EPHA6: variants seen among roughly 807,000 people sequenced by gnomAD.
The protein encoded by EPHA6 is ephrin type-A receptor 6.
Under a neutral mutation model 112.0 loss-of-function variants are expected in EPHA6, and 50 were observed. The ratio of observed to expected loss-of-function variants is 0.45; its 90% CI spans 0.36 to 0.56. The LOEUF (loss-of-function observed/expected upper bound fraction) is 0.56. Among genes scored for constraint, EPHA6 ranks in the 20% least tolerant of loss-of-function variants. The pLI is 0.00. For synonymous variants in EPHA6, 529 were observed against 490.7 expected (o/e 1.08, Z -1.03); for missense variants, 1,280 against 1,417.4 (o/e 0.90, Z 1.56).
chr3:96,888,960 G>T (rs1325413284), intron 2 of EPHA6, among the ~76,000 whole-genome samples: 1 of 152,160 alleles, frequency 6.6e-6, no homozygotes, highest in African/African-American at 2.4e-5. Context: ...CATCTTGAAT[G>T]CTTTGCTGCT....
intron 14 of EPHA6, among the ~76,000 whole-genome samples, chr3:97,701,072 G>A (rs909074511): frequency 6.6e-6 from 1 of 152,120 alleles, no homozygotes; most frequent in Non-Finnish European, 1.5e-5. Flanking sequence ...GGTAATAAGT[G>A]GTTGTTCAGG....
Position 96,959,650 on chromosome 3 carries a change from A to G in EPHA6, c.451-27680A>G, listed in dbSNP as rs750690776. On this transcript the variant is annotated intron_variant, in intron 2 of 17. Coordinates refer to ENST00000389672, the MANE Select transcript of EPHA6 (RefSeq NM_001080448.3). ...TTAGCTTTTATATTTAAGTCTATGA[A>G]CCATTTTTCATTAATTTTTGTGTAT... is the stretch of plus-strand genomic sequence containing the variant. 2.8e-4 allele frequency among the ~76,000 whole-genome samples: 43 copies of G among 152,042 alleles called. 1 individual carries two copies. The highest frequency in any genetic ancestry group is 5.1e-4 in the Non-Finnish European group (35 of 68,018).
At chr3:97,499,751 A>C (rs1002538330) in intron 10 of EPHA6, among the ~76,000 whole-genome samples, 7 of 152,100 alleles carry the variant, frequency 4.6e-5, no homozygotes, top group Non-Finnish European at 8.8e-5. Flanking sequence ...AAAGTGCCCT[A>C]CCTGTGTAGG....
intron 5 of EPHA6, among the ~76,000 whole-genome samples, chr3:97,314,383 T>G (rs2081709270): frequency 6.6e-6 from 1 of 151,608 alleles, no homozygotes; most frequent in Admixed American, 6.6e-5. Context: ...AAGATGCTAC[T>G]TTTGTCTAAC....
chr3:97,046,107 C>G (rs901705506), intron 3 of EPHA6, among the ~76,000 whole-genome samples: 1 of 151,996 alleles, frequency 6.6e-6, no homozygotes, highest in African/African-American at 2.4e-5. Flanking sequence ...AGCTTAACAC[C>G]TACTTTACAC....
At chr3:97,544,152 G>T (rs1007980497) in intron 11 of EPHA6, among the ~76,000 whole-genome samples, 2 of 152,128 alleles carry the variant, frequency 1.3e-5, no homozygotes, top group Non-Finnish European at 2.9e-5. Context: ...GTGAGAGAAG[G>T]CATCCCTGTC....
intron 12 of EPHA6, among the ~76,000 whole-genome samples, chr3:97,596,912 A>G (rs1319249089): frequency 7.0e-6 from 1 of 143,000 alleles, no homozygotes; most frequent in African/African-American, 2.6e-5. Flanking sequence ...ATATGTATGT[A>G]TATATGCCAG....
At chr3:97,526,446 T>C (rs1304823560) in intron 10 of EPHA6, among the ~76,000 whole-genome samples, 1 of 149,624 alleles carries the variant, frequency 6.7e-6, no homozygotes, top group Admixed American at 6.7e-5. Flanking sequence ...TTAAATCTGC[T>C]GTGGAACTGA....
At chr3:96,876,484 C>T (rs1242539056) in intron 2 of EPHA6, among the ~76,000 whole-genome samples, 2 of 151,298 alleles carry the variant, frequency 1.3e-5, no homozygotes, top group Non-Finnish European at 2.9e-5. Flanking sequence ...TCTGACCTTT[C>T]CAACCCATCC....
chr3:97,105,621 T>C (rs2047543484), intron 3 of EPHA6, among the ~76,000 whole-genome samples: 1 of 152,126 alleles, frequency 6.6e-6, no homozygotes, highest in Non-Finnish European at 1.5e-5. Context: ...GAAGAATGTA[T>C]ATTCTGTTGG....
At chr3:97,211,828 C>T (rs180805580) in intron 3 of EPHA6, among the ~76,000 whole-genome samples, 1 of 152,226 alleles carries the variant, frequency 6.6e-6, no homozygotes, top group East Asian at 1.9e-4. Flanking sequence ...AGAAACAGAA[C>T]TCAAACCCAT....
At position 97,753,035 on chromosome 3, in the gene EPHA6, T is replaced by C. The variant is rs2107925296; in HGVS notation, c.*4334T>C. 6.6e-6 allele frequency among the ~76,000 whole-genome samples: 1 copy of C among 152,308 alleles called. No individual in the cohort carries two copies. Among genetic ancestry groups the C allele is most frequent in the East Asian group, 1.9e-4 (1 of 5,192 alleles). The stretch of plus-strand genomic sequence containing the variant: ...AGGTAGAGGAGTACACTGGGTTAAA[T>C]GGATGGTATTCTTCCACCAGAATAT... On this transcript the variant is annotated 3_prime_UTR_variant, in exon 18 of 18. Coordinates refer to ENST00000389672, the MANE Select transcript of EPHA6 (RefSeq NM_001080448.3).
At chr3:96,990,976 A>G (rs2043194742) in intron 3 of EPHA6, among the ~76,000 whole-genome samples, 1 of 150,978 alleles carries the variant, frequency 6.6e-6, no homozygotes, top group South Asian at 2.1e-4. Flanking sequence ...TGTGTAAACA[A>G]TTAATTAATC....
At chr3:97,018,910 C>T (rs558107204) in intron 3 of EPHA6, among the ~76,000 whole-genome samples, 8 of 152,290 alleles carry the variant, frequency 5.3e-5, no homozygotes, top group South Asian at 4.1e-4. Context: ...TCTTCCCAGA[C>T]GCTGGCGTTA....
chr3:97,159,613 A>G (rs2076367106), intron 3 of EPHA6, among the ~76,000 whole-genome samples: 2 of 152,078 alleles, frequency 1.3e-5, no homozygotes, highest in African/African-American at 4.8e-5. Context: ...CAACCCTGTA[A>G]GATATTGCTA....
chr3:97,506,288 T>C (rs190093436), intron 10 of EPHA6, among the ~76,000 whole-genome samples: 5 of 152,302 alleles, frequency 3.3e-5, no homozygotes, highest in Non-Finnish European at 5.9e-5. Context: ...ATTGCCTAGG[T>C]TTTCTTCTAG....
At chr3:97,579,358 G>A (rs1173677055) in intron 11 of EPHA6, among the ~76,000 whole-genome samples, 1 of 152,120 alleles carries the variant, frequency 6.6e-6, no homozygotes, top group African/African-American at 2.4e-5. Context: ...AGACACATTC[G>A]ATCTGAAATC....
At chr3:97,663,855 T>A (rs371242585) in intron 14 of EPHA6, among the ~76,000 whole-genome samples, 2 of 152,302 alleles carry the variant, frequency 1.3e-5, no homozygotes, top group East Asian at 3.9e-4. Context: ...TCCCCAGTAA[T>A]GGGATGGCTG....
intron 2 of EPHA6, among the ~76,000 whole-genome samples, chr3:96,923,313 T>G (rs140785302): frequency 9.5e-4 from 145 of 152,298 alleles, no homozygotes; most frequent in African/African-American, 3.4e-3. Context: ...ATTTTTAAAT[T>G]TTTTAAATAA....
Sources: allele counts gnomAD v4.1 joint callset (sites outside exome capture counted in the v4.1 genomes callset), GRCh38; gene constraint gnomAD v4.1.1; transcripts MANE v1.5; gene names NCBI Gene and HGNC (gene_info 2026-07-23, HGNC 2026-07-21).